SUMF1: variants seen among roughly 807,000 people sequenced by gnomAD.
SUMF1 encodes sulfatase modifying factor 1.
SUMF1 carries 48 observed loss-of-function variants against 47.6 expected under a neutral mutation model. That is an observed-to-expected ratio of 1.01 (90% CI 0.80 to 1.28). The LOEUF (loss-of-function observed/expected upper bound fraction) is 1.28. Among genes scored for constraint, SUMF1 ranks in the 50% most tolerant of loss-of-function variants. SUMF1 has a pLI of 0.00. For missense variants in SUMF1, 571 were observed against 485.4 expected (o/e 1.18, Z -1.66); for synonymous variants, 230 against 192.1 (o/e 1.20, Z -1.63).
chr3:4,099,176 G>A (rs1203513094), intron 8 of SUMF1, among the ~76,000 whole-genome samples: 2 of 152,078 alleles, frequency 1.3e-5, no homozygotes, highest in Non-Finnish European at 2.9e-5. Context: ...ATAACAGATA[G>A]TTGTGGACTT....
intron 8 of SUMF1, among the ~76,000 whole-genome samples, chr3:4,126,260 T>G (rs543926511): frequency 4.6e-5 from 7 of 151,580 alleles, no homozygotes; most frequent in African/African-American, 2.4e-5. Flanking sequence ...GGACTGTATA[T>G]GTCAGCTCTT....
chr3:4,315,493 G>A (rs1698599883), intron 8 of SUMF1, among the ~76,000 whole-genome samples: 1 of 152,030 alleles, frequency 6.6e-6, no homozygotes, highest in East Asian at 1.9e-4. Context: ...GACTGAATAT[G>A]GACCCCTGGA....
intron 9 of SUMF1, among the ~76,000 whole-genome samples, chr3:4,053,252 A>G (rs1695143128): frequency 6.6e-6 from 1 of 152,126 alleles, no homozygotes; most frequent in South Asian, 2.1e-4. Context: ...GAACACACAC[A>G]AGATTTATCG....
intron 8 of SUMF1, among the ~76,000 whole-genome samples, chr3:4,080,799 A>G (rs1465558550): frequency 6.6e-6 from 1 of 152,156 alleles, no homozygotes; most frequent in African/African-American, 2.4e-5. Context: ...ATAAAAGAGC[A>G]GGTCACATAT....
intron 8 of SUMF1, among the ~76,000 whole-genome samples, chr3:4,165,327 C>T (rs1298403697): frequency 2.6e-5 from 4 of 152,108 alleles, no homozygotes; most frequent in Admixed American, 6.5e-5. Flanking sequence ...GACATATACC[C>T]GGGTTGGGCT....
intron 8 of SUMF1, among the ~76,000 whole-genome samples, chr3:4,198,340 G>T (rs757537424): frequency 6.6e-6 from 1 of 152,068 alleles, no homozygotes; most frequent in Non-Finnish European, 1.5e-5. Context: ...TGGGAACTCT[G>T]CAGAGATCAT....
At chr3:4,046,473 C>G (rs934711979) in intron 9 of SUMF1, among the ~76,000 whole-genome samples, 2 of 152,168 alleles carry the variant, frequency 1.3e-5, no homozygotes, top group African/African-American at 4.8e-5. Context: ...CTCCACAACT[C>G]TTCCCACTTT....
chr3:4,245,885 T>C (rs930190057), intron 8 of SUMF1, among the ~76,000 whole-genome samples: 1 of 152,226 alleles, frequency 6.6e-6, no homozygotes, highest in Non-Finnish European at 1.5e-5. Context: ...TGCTGAGCTG[T>C]AATGTGCTCC....
chr3:4,334,128 A>T lies in SUMF1; in HGVS notation c.1014+42202T>A, dbSNP rs540029982. ...GGGCAACAAAGCAAGACCCATCTTT[A>T]AAAAAAAAAGTTTAAGTCAACTAAA... On this transcript the variant is annotated intron_variant and NMD_transcript_variant, in intron 8 of 12. Coordinates refer to the SUMF1 transcript ENST00000448413. 5.3e-5 allele frequency among the ~76,000 whole-genome samples: 8 copies of T among 149,920 alleles called. 1 individual carries two copies. The South Asian group carries it at 1.7e-3, about 32-fold the overall frequency.
At chr3:4,462,717 C>G (rs2079844752) in intron 1 of SUMF1, among the ~76,000 whole-genome samples, 1 of 152,104 alleles carries the variant, frequency 6.6e-6, no homozygotes, top group African/African-American at 2.4e-5. Context: ...ATAAAATAAG[C>G]TAAAGGTTCA....
chr3:4,421,169 A>G (rs1701886240), intron 3 of SUMF1, among the ~76,000 whole-genome samples: 1 of 152,248 alleles, frequency 6.6e-6, no homozygotes, highest in African/African-American at 2.4e-5. Context: ...CTTTGGAGCC[A>G]GTCAAAATGA....
intron 8 of SUMF1, among the ~76,000 whole-genome samples, chr3:4,213,898 A>G (rs544718515): frequency 7.2e-5 from 11 of 152,316 alleles, no homozygotes; most frequent in African/African-American, 2.4e-4. Flanking sequence ...AGGAGGATCC[A>G]GATTCATAAA....
chr3:4,300,404 C>A (rs951857634), intron 8 of SUMF1, among the ~76,000 whole-genome samples: 1 of 150,204 alleles, frequency 6.7e-6, no homozygotes, highest in Non-Finnish European at 1.5e-5. Context: ...TCAAGTATTT[C>A]TTTACAGCAA....
chr3:4,117,194 T>G (rs886821884), intron 8 of SUMF1, among the ~76,000 whole-genome samples: 4 of 152,176 alleles, frequency 2.6e-5, no homozygotes. Context: ...TTTTAAATTT[T>G]TGTTTATACT....
chr3:4,377,943 T>A (rs1351056360), intron 7 of SUMF1, among the ~76,000 whole-genome samples: 1 of 152,190 alleles, frequency 6.6e-6, no homozygotes, highest in Non-Finnish European at 1.5e-5. Flanking sequence ...CTTACTTAAG[T>A]GGCAGAAATT....
chr3:4,133,943 C>T (rs183832441), intron 8 of SUMF1, among the ~76,000 whole-genome samples: 3 of 151,942 alleles, frequency 2.0e-5, no homozygotes, highest in East Asian at 1.9e-4. Context: ...GGCAGACTGA[C>T]GAATCTGGGG....
chr3:4,310,157 T>C (rs1201376504), intron 8 of SUMF1, among the ~76,000 whole-genome samples: 1 of 152,194 alleles, frequency 6.6e-6, no homozygotes, highest in Non-Finnish European at 1.5e-5. Context: ...TATGCATATA[T>C]GTGGTCTGAC....
intron 8 of SUMF1, among the ~76,000 whole-genome samples, chr3:4,204,255 C>T (rs1243652629): frequency 6.6e-6 from 1 of 152,024 alleles, no homozygotes; most frequent in East Asian, 1.9e-4. Context: ...CAAATACATA[C>T]AATGTTCTAG....
At chr3:4,343,248 A>G (rs115786514) in intron 8 of SUMF1, among the ~76,000 whole-genome samples, 21 of 152,346 alleles carry the variant, frequency 1.4e-4, no homozygotes, top group African/African-American at 4.8e-4. Context: ...CGAGTAAGTG[A>G]GGTCAGAAGC....
Sources: allele counts gnomAD v4.1 joint callset (sites outside exome capture counted in the v4.1 genomes callset), GRCh38; gene constraint gnomAD v4.1.1; transcripts MANE v1.5; gene names NCBI Gene and HGNC (gene_info 2026-07-23, HGNC 2026-07-21).